The following NKD2 variants were observed in gnomAD, a reference collection of about 807,000 sequenced individuals.
The protein encoded by NKD2 is protein naked cuticle homolog 2.
A neutral mutation model predicts 34.8 loss-of-function variants in NKD2; 43 were observed. The observed-to-expected ratio is 1.24, with a 90% CI of 0.97 to 1.60. The LOEUF is 1.60. Ranked by LOEUF, NKD2 falls within the 40% of genes most tolerant of loss-of-function variation. The pLI is 0.00. For missense variants in NKD2, 675 were observed against 627.1 expected (o/e 1.08, Z -0.82); for synonymous variants, 278 against 265.1 (o/e 1.05, Z -0.47).
At position 1,038,527 on chromosome 5, in the gene NKD2, A is replaced by T. The variant is rs1181583134; in HGVS notation, c.*154A>T. 2.0e-6 allele frequency: 3 copies of T among 1,468,328 alleles called. No homozygotes were observed. The Admixed American group carries it at 5.9e-5, about 29-fold the overall frequency. 91.0% of individuals were successfully genotyped at this position (1,468,328 alleles called of 1,614,324 possible). On this transcript the variant is annotated 3_prime_UTR_variant, in exon 10 of 10. Transcript: ENST00000296849. This position sits in a 1 kb window ranked among gnomAD's most constrained non-coding sequence, Gnocchi z 4.5. Reference sequence around the variant, plus strand: ...GCAACTGACTGCAGGTGCTGGCATGATGGAGGTGGTGCACCTTGGACACGT... The same window carrying T: ...GCAACTGACTGCAGGTGCTGGCATGTTGGAGGTGGTGCACCTTGGACACGT...
chr5:1,036,512 A>ACCCCC (rs1733952062), intron 9 of NKD2, 128 bp downstream of exon 9: 4 of 311,734 alleles, frequency 1.3e-5, no homozygotes, highest in African/African-American at 1.5e-4. Flanking sequence ...AACCCCCCCC[A>ACCCCC]CCCCACCCCA....
intron 8 of NKD2, chr5:1,035,948 C>T (rs1003212312): frequency 2.0e-5 from 8 of 404,462 alleles, no homozygotes; most frequent in Non-Finnish European, 3.0e-5. Flanking sequence ...GTGTGGCTGG[C>T]GCAGTGGCTA....
intron 3 of NKD2, among the ~76,000 whole-genome samples, chr5:1,013,208 T>A (rs1277347017): frequency 6.6e-6 from 1 of 152,144 alleles, no homozygotes; most frequent in East Asian, 1.9e-4. Flanking sequence ...CAGCACAGAC[T>A]CTGAGGGCCA....
chr5:1,036,057 G>A (rs956197716), intron 8 of NKD2, 200 bp from the exon 9 acceptor site: 90 of 1,279,472 alleles, frequency 7.0e-5, no homozygotes, highest in Non-Finnish European at 8.5e-5. Context: ...CAGGGTTCTG[G>A]GGGTCGGCTG....
At chr5:1,026,767 G>A (rs976344645) in intron 3 of NKD2, among the ~76,000 whole-genome samples, 2 of 152,254 alleles carry the variant, frequency 1.3e-5, no homozygotes, top group African/African-American at 4.8e-5. Flanking sequence ...CATCCTCCCA[G>A]CCCCCGAGGC....
At position 1,036,292 on chromosome 5, in the gene NKD2, G is replaced by A. The variant is rs762371758; in HGVS notation, c.695G>A (p.Arg232Gln). 3.4e-5 allele frequency: 55 copies of A among 1,611,836 alleles called. No homozygotes were observed. The highest frequency in any genetic ancestry group is 5.3e-5 in the African/African-American group (4 of 74,854). ...PSTDPQPCSE[R>Q]GPYCVDENTE... ...ACTGACCCCCAGCCCTGCTCGGAGCGGGGGCCCTACTGCGTGGACGAGAAC... is the reference window on the plus strand; with the variant it reads ...ACTGACCCCCAGCCCTGCTCGGAGCAGGGGCCCTACTGCGTGGACGAGAAC... The change falls in exon 9 of 10, where the codon CGG becomes CAG. Residue 232 changes from arginine to glutamine, a missense_variant. By Grantham distance (43) the Arg-to-Gln change is conservative. Transcript: ENST00000296849.
Position 1,009,517 on chromosome 5 carries a change from G to T in NKD2, c.98G>T (p.Arg33Leu), listed in dbSNP as rs189518469. 1,002 of 1,497,138 alleles carry T rather than the reference G, an allele frequency of 6.7e-4. 7 individuals are homozygous for T. In the African/African-American group the frequency reaches 0.013, roughly 20 times the overall value. The allele number at this position is 1,497,138 out of a possible 1,614,324, so 92.7% of individuals were successfully genotyped here. A position where few individuals can be genotyped will look rare whatever the true frequency, so the allele number is the denominator to read the frequency against. ...GTGGCGTCCGCGTACGCGAGCGGCC[G>T]CAAAGGCGCGGAGGAAGCGGAGCGG... ...SFVASAYASG[R>L]KGAEEAERRA... Residue 33 changes from arginine (R) to leucine (L), a missense_variant, in exon 3 of 10, where the codon CGC becomes CTC. Physicochemically the swap from Arg to Leu is moderately radical, Grantham distance 102. Coordinates refer to ENST00000296849, the MANE Select transcript of NKD2 (RefSeq NM_033120.4). This position sits in a 1 kb window ranked among gnomAD's most constrained non-coding sequence, Gnocchi z 6.9.
chr5:1,029,370 A>G (rs533336195), intron 3 of NKD2, among the ~76,000 whole-genome samples: 4 of 152,286 alleles, frequency 2.6e-5, no homozygotes, highest in East Asian at 3.9e-4. Flanking sequence ...CGTTGGCTAC[A>G]TGGTGTAGTT....
At chr5:1,014,005 G>C (rs1755853584) in intron 3 of NKD2, among the ~76,000 whole-genome samples, 1 of 152,226 alleles carries the variant, frequency 6.6e-6, no homozygotes, top group Non-Finnish European at 1.5e-5. Context: ...GCCATCTGGG[G>C]CAGCTGTCAC....
At chr5:1,021,193 ATC>A (rs1756160745) in intron 3 of NKD2, among the ~76,000 whole-genome samples, 1 of 152,168 alleles carries the variant, frequency 6.6e-6, no homozygotes, top group Non-Finnish European at 1.5e-5. Context: ...TTATTAAAAG[ATC>A]TCTCAAACCC....
At chr5:1,025,104 G>T (rs373382675) in intron 3 of NKD2, among the ~76,000 whole-genome samples, 33 of 7,998 alleles carry the variant, frequency 4.1e-3, no homozygotes, top group Non-Finnish European at 0.014. Context: ...GTCTCAGCCC[G>T]TTGTCCCTGC....
chr5:1,036,714 G>A lies in NKD2; in HGVS notation c.787+330G>A, dbSNP rs1733965632. 3 of 522,202 alleles carry A rather than the reference G, an allele frequency of 5.7e-6. No individual in the cohort carries two copies. In the Admixed American group the frequency reaches 6.8e-5, roughly 12 times the overall value. The allele number at this position is 522,202 out of a possible 1,614,324, so 32.3% of individuals were successfully genotyped here. ...ATTCAGGGAAACCCTGCCTTGGGGT[G>A]AGAAGTCAGTATTTTAGGGTGGAAT... On this transcript the variant is annotated intron_variant, in intron 9 of 9. Coordinates refer to ENST00000296849, the MANE Select transcript of NKD2 (RefSeq NM_033120.4).
chr5:1,038,942 G>C lies in NKD2; in HGVS notation c.*569G>C. The C allele has an allele frequency of 4.5e-6, 1 of 224,694 alleles. No homozygotes were observed. Among genetic ancestry groups the C allele is most frequent in the South Asian group, 6.5e-5 (1 of 15,500 alleles). The allele number at this position is 224,694 out of a possible 1,614,324, so 13.9% of individuals were successfully genotyped here. On this transcript the variant is annotated 3_prime_UTR_variant, in exon 10 of 10. Transcript: ENST00000296849. This position sits in a 1 kb window ranked among gnomAD's most constrained non-coding sequence, Gnocchi z 4.5. ...AGGCAGCAGTGCTAGAAAGAGAAGT[G>C]CCAGAGTAGGGAGTGCAGACCAGTG...
intron 8 of NKD2, 113 bp downstream of exon 8, chr5:1,035,586 C>T: frequency 1.5e-5 from 12 of 783,728 alleles, no homozygotes. Context: ...CTAGGTCAGA[C>T]CTGCAGGGGG....
At chr5:1,036,507 C>CTG in intron 9 of NKD2, 123 bp downstream of exon 9, 1 of 606,956 alleles carries the variant, frequency 1.6e-6, no homozygotes, top group Admixed American at 3.1e-5. Flanking sequence ...CCCCCAACCC[C>CTG]CCCCACCCCA....
chr5:1,033,318 C>T (rs1756717503), intron 4 of NKD2, 54 bp from the exon 5 acceptor site: 2 of 1,497,940 alleles, frequency 1.3e-6, no homozygotes, highest in Non-Finnish European at 9.1e-7. Flanking sequence ...CAATGGCGGG[C>T]CACATCCTCC....
At position 1,011,837 on chromosome 5, in the gene NKD2, G is replaced by A. The variant is rs927121981; in HGVS notation, c.141+2277G>A. On this transcript the variant is annotated intron_variant, in intron 3 of 9. Coordinates refer to ENST00000296849, the MANE Select transcript of NKD2 (RefSeq NM_033120.4). ...ACAGGTGTGTCTCTGCACCCCCGAC[G>A]TGGCTCTCCCTGGCGACTCTGCGGA... 6.6e-5 allele frequency among the ~76,000 whole-genome samples: 10 copies of A among 152,370 alleles called. No individual in the cohort carries two copies. In the South Asian group the frequency reaches 2.1e-3, roughly 32 times the overall value.
At position 1,038,134 on chromosome 5, in the gene NKD2, C is replaced by T; in HGVS notation, c.1117C>T (p.Pro373Ser). The T allele has an allele frequency of 6.3e-7, 1 of 1,589,362 alleles. No homozygotes were observed. Among genetic ancestry groups the T allele is most frequent in the Non-Finnish European group, 8.5e-7 (1 of 1,170,134 alleles). ...GGCCCCTCAGGACGGCCACCACCTCCCGCAGCCCCCACCGCCACCCTACGG... is the reference window on the plus strand; with the variant it reads ...GGCCCCTCAGGACGGCCACCACCTCTCGCAGCCCCCACCGCCACCCTACGG... Reference protein sequence around the residue: ...PQAPQDGHHLPQPPPPPYGHK... With the variant: ...PQAPQDGHHLSQPPPPPYGHK... The change falls in exon 10 of 10, where the codon CCG (proline) becomes TCG (serine). Residue 373 changes from proline (P) to serine (S), a missense_variant. Physicochemically the swap from Pro to Ser is moderately conservative, Grantham distance 74 (BLOSUM62 -1). Transcript: ENST00000296849. The surrounding 1 kb of genome is among the most constrained non-coding windows in gnomAD (Gnocchi z 4.5).
rs1755629944 is a variant in NKD2 at position 1,008,882 on chromosome 5, G to C, written c.-176G>C. 2.7e-6 allele frequency: 1 copy of C among 366,312 alleles called. No homozygotes were observed. The highest frequency in any genetic ancestry group is 4.0e-5 in the East Asian group (1 of 25,100). The allele number at this position is 366,312 out of a possible 1,614,324, so 22.7% of individuals were successfully genotyped here. On this transcript the variant is annotated 5_prime_UTR_variant, in exon 1 of 10. Transcript: ENST00000296849. Reference sequence around the variant, plus strand: ...GGCCCCCCACCTCCGCCCCGCGGCCGTACCTGGCGCCCCCTGGCTCCCCCG... The same window carrying C: ...GGCCCCCCACCTCCGCCCCGCGGCCCTACCTGGCGCCCCCTGGCTCCCCCG...
Sources: allele counts gnomAD v4.1 joint callset (sites outside exome capture counted in the v4.1 genomes callset), GRCh38; gene constraint gnomAD v4.1.1; non-coding constraint Gnocchi (gnomAD v3.1); transcripts MANE v1.5; gene names NCBI Gene and HGNC (gene_info 2026-07-23, HGNC 2026-07-21).